AUTS2: variants seen among roughly 807,000 people sequenced by gnomAD.
AUTS2 encodes the protein activator of transcription and developmental regulator AUTS2, also known as autism susceptibility gene 2 protein.
Under a neutral mutation model 112.4 loss-of-function variants are expected in AUTS2, and 17 were observed. The observed-to-expected ratio is 0.15, with a 90% CI of 0.10 to 0.23. AUTS2 has a LOEUF of 0.23. Among genes scored for constraint, AUTS2 ranks in the 10% least tolerant of loss-of-function variants. The pLI is 1.00. For missense variants in AUTS2, 1,510 were observed against 1,701.6 expected (o/e 0.89, Z 1.98); for synonymous variants, 751 against 702.7 (o/e 1.07, Z -1.09).
chr7:69,680,739 G>A (rs1246485024), intron 1 of AUTS2, among the ~76,000 whole-genome samples: 2 of 151,958 alleles, frequency 1.3e-5, no homozygotes, highest in African/African-American at 2.4e-5. Flanking sequence ...GTATGGTTTC[G>A]GCTCACTGCA....
At chr7:70,473,866 A>G (rs1797483721) in intron 5 of AUTS2, among the ~76,000 whole-genome samples, 1 of 152,110 alleles carries the variant, frequency 6.6e-6, no homozygotes, top group Admixed American at 6.5e-5. Context: ...AGACACAGTC[A>G]TGCCTCTCAA....
intron 2 of AUTS2, among the ~76,000 whole-genome samples, chr7:70,015,972 G>T (rs1800010801): frequency 6.6e-6 from 1 of 151,926 alleles, no homozygotes; most frequent in South Asian, 2.1e-4. Flanking sequence ...TTCAGTCTAT[G>T]TTTCTAGTAA....
chr7:70,391,201 C>T (rs1480787976), intron 4 of AUTS2, among the ~76,000 whole-genome samples: 1 of 152,160 alleles, frequency 6.6e-6, no homozygotes, highest in African/African-American at 2.4e-5. Context: ...GAAGCAAGCA[C>T]TGATTTAGAA....
chr7:70,399,987 T>G (rs1263855425), intron 4 of AUTS2, among the ~76,000 whole-genome samples: 1 of 152,166 alleles, frequency 6.6e-6, no homozygotes, highest in Non-Finnish European at 1.5e-5. Context: ...TCTCTTTCAT[T>G]CCTATAAACA....
At chr7:69,861,799 G>A (rs141582709) in intron 1 of AUTS2, among the ~76,000 whole-genome samples, 7 of 152,278 alleles carry the variant, frequency 4.6e-5, no homozygotes, top group African/African-American at 1.7e-4. Context: ...CTCACATTCT[G>A]GGGAAGATAG....
chr7:70,664,847 G>A (rs954128150), intron 5 of AUTS2, among the ~76,000 whole-genome samples: 1 of 152,194 alleles, frequency 6.6e-6, no homozygotes, highest in African/African-American at 2.4e-5. Context: ...GAGCTGGGAG[G>A]TTTGCTTGAG....
At chr7:70,075,464 A>G (rs1314344384) in intron 2 of AUTS2, among the ~76,000 whole-genome samples, 2 of 152,192 alleles carry the variant, frequency 1.3e-5, no homozygotes, top group Non-Finnish European at 2.9e-5. Flanking sequence ...CATGAACTAC[A>G]TGTATTTTAT....
intron 6 of AUTS2, among the ~76,000 whole-genome samples, chr7:70,754,675 G>A (rs1453138759): frequency 6.6e-6 from 1 of 152,188 alleles, no homozygotes; most frequent in Non-Finnish European, 1.5e-5. Flanking sequence ...CTTTCTGTGT[G>A]GTGTGCTCTT....
intron 4 of AUTS2, among the ~76,000 whole-genome samples, chr7:70,264,739 A>G (rs1011174660): frequency 1.3e-5 from 2 of 152,278 alleles, no homozygotes; most frequent in African/African-American, 4.8e-5. Flanking sequence ...GGATAGTTTT[A>G]GGGGAATGTG....
chr7:70,574,784 G>C (rs905475415), intron 5 of AUTS2, among the ~76,000 whole-genome samples: 1 of 152,148 alleles, frequency 6.6e-6, no homozygotes, highest in South Asian at 2.1e-4. Flanking sequence ...GCTGGACCTA[G>C]AGGTTTAAAT....
At chr7:70,189,131 C>T (rs1401099500) in intron 4 of AUTS2, among the ~76,000 whole-genome samples, 1 of 152,148 alleles carries the variant, frequency 6.6e-6, no homozygotes, top group Non-Finnish European at 1.5e-5. Flanking sequence ...ACTGCGTAGG[C>T]TCATCCTCAT....
intron 1 of AUTS2, among the ~76,000 whole-genome samples, chr7:69,756,613 T>G (rs1039753850): frequency 6.6e-6 from 1 of 151,980 alleles, no homozygotes; most frequent in Admixed American, 6.6e-5. Flanking sequence ...ATTTCTTTTA[T>G]GCTTTTGTCA....
At chr7:70,255,348 A>T (rs954496582) in intron 4 of AUTS2, among the ~76,000 whole-genome samples, 2 of 152,188 alleles carry the variant, frequency 1.3e-5, no homozygotes, top group Admixed American at 1.3e-4. Context: ...CCGGGATTAT[A>T]GGCGTGAGCC....
At chr7:70,556,381 A>G (rs1356886369) in intron 5 of AUTS2, among the ~76,000 whole-genome samples, 1 of 152,210 alleles carries the variant, frequency 6.6e-6, no homozygotes, top group Non-Finnish European at 1.5e-5. Flanking sequence ...TCACTCATCT[A>G]GAAAAGAAGG....
intron 5 of AUTS2, among the ~76,000 whole-genome samples, chr7:70,579,238 C>A: frequency 1.7e-4 from 2 of 11,936 alleles, no homozygotes; most frequent in Non-Finnish European, 1.7e-4. Context: ...CTTATATTCT[C>A]TTTTCTAAAA....
intron 11 of AUTS2, among the ~76,000 whole-genome samples, chr7:70,771,974 GAC>G (rs763950452): frequency 1.3e-5 from 2 of 152,112 alleles, no homozygotes; most frequent in Non-Finnish European, 2.9e-5. Flanking sequence ...TGAAATATCA[GAC>G]ACATGTGCGC....
chr7:69,627,491 CA>C (rs1794011014), intron 1 of AUTS2, among the ~76,000 whole-genome samples: 1 of 150,994 alleles, frequency 6.6e-6, no homozygotes, highest in East Asian at 1.9e-4. Flanking sequence ...AACGCCGTCT[CA>C]AAAAAACCCC....
intron 4 of AUTS2, among the ~76,000 whole-genome samples, chr7:70,274,631 A>ATTCT (rs1174737770): frequency 6.6e-6 from 1 of 151,962 alleles, no homozygotes; most frequent in Non-Finnish European, 1.5e-5. Context: ...TGAGTGAGAA[A>ATTCT]GAGAGAGAGA....
intron 2 of AUTS2, among the ~76,000 whole-genome samples, chr7:69,987,268 A>T (rs1439913451): frequency 6.6e-6 from 1 of 152,232 alleles, no homozygotes; most frequent in Admixed American, 6.5e-5. Flanking sequence ...ACTTTTGTAG[A>T]TTAAAGACAT....
Sources: gnomAD v4.1 joint callset for allele counts (sites outside exome capture counted in the v4.1 genomes callset) on GRCh38, gnomAD v4.1.1 for gene constraint, MANE v1.5 for transcripts, NCBI Gene and HGNC (gene_info 2026-07-23, HGNC 2026-07-21) for gene names.